Variants in PKD2L2 observed in about 807,000 individuals in gnomAD.
PKD2L2 encodes the protein polycystin-2-like protein 2.
In PKD2L2, 67 loss-of-function variants were observed where a neutral mutation model predicts 83.9. The ratio of observed to expected loss-of-function variants is 0.80; its 90% CI spans 0.66 to 0.98. The LOEUF is 0.98. Ranked by LOEUF, PKD2L2 falls within the 50% of genes least tolerant of loss-of-function variation. PKD2L2 has a pLI of 0.00. For missense variants in PKD2L2, 632 were observed against 717.2 expected (o/e 0.88, Z 1.36); for synonymous variants, 223 against 237.8 (o/e 0.94, Z 0.57).
At position 137,928,856 on chromosome 5, in the gene PKD2L2, G is replaced by A. The variant is rs541439145; in HGVS notation, c.1671+2927G>A. Among the ~76,000 whole-genome samples the A allele has an allele frequency of 1.3e-3, 197 of 152,296 alleles. 1 individual carries two copies. The highest frequency in any genetic ancestry group is 2.3e-3 in the Non-Finnish European group (156 of 68,022). On this transcript the variant is annotated intron_variant, in intron 12 of 14. Transcript: ENST00000508883. ...AAGTGTTGGGATTACAGGCATGAGC[G>A]AGCCACTGTGCCCAGCCCTATTTTA...
intron 14 of PKD2L2, 68 bp downstream of exon 14, chr5:137,936,495 G>A (rs928533696): frequency 1.0e-5 from 14 of 1,353,518 alleles, no homozygotes; most frequent in Middle Eastern, 2.4e-4. Context: ...TCGCTCTAAC[G>A]CCCAGGCTGG....
chr5:137,923,623 C>T (rs1298322179), intron 10 of PKD2L2, 102 bp downstream of exon 10: 1 of 694,616 alleles, frequency 1.4e-6, no homozygotes, highest in Non-Finnish European at 2.6e-6. Context: ...TCGTGCTCTC[C>T]CCACTCCCAC....
At chr5:137,939,878 T>C in intron 14 of PKD2L2, 2 of 1,334,192 alleles carry the variant, frequency 1.5e-6, no homozygotes, top group South Asian at 2.2e-5. Context: ...AACAAAAAGT[T>C]GGTAATAACA....
chr5:137,919,773 G>A (rs377574838), intron 8 of PKD2L2, among the ~76,000 whole-genome samples: 14 of 152,274 alleles, frequency 9.2e-5, no homozygotes, highest in African/African-American at 3.4e-4. Context: ...TGAGTCCTAG[G>A]ACTTCATGTA....
At chr5:137,929,698 A>T (rs992798011) in intron 12 of PKD2L2, among the ~76,000 whole-genome samples, 2 of 152,108 alleles carry the variant, frequency 1.3e-5, no homozygotes, top group Non-Finnish European at 2.9e-5. Context: ...CTGTGCTTCA[A>T]ATATAAAGGC....
chr5:137,894,378 G>A lies in PKD2L2; in HGVS notation c.293G>A (p.Gly98Asp), dbSNP rs1295625802. 6.2e-7 allele frequency: 1 copy of A among 1,609,848 alleles called. No homozygotes were observed. The highest frequency in any genetic ancestry group is 8.5e-7 in the Non-Finnish European group (1 of 1,179,540). Residue 98 changes from glycine to aspartate, a missense_variant, in exon 4 of 15, where the codon GGT becomes GAT. By Grantham distance (94) the Gly-to-Asp change is moderately conservative (BLOSUM62 -1). Coordinates refer to ENST00000508883, the MANE Select transcript of PKD2L2 (RefSeq NM_001300921.2). ...WKFMEGPLLEGLYWDSWYNNQ... is the reference protein window; with the variant it reads ...WKFMEGPLLEDLYWDSWYNNQ... ...TTTATGGAAGGACCCCTTTTGGAAG[G>A]TCTGTACTGGGATTCATGGTACAAT...
At position 137,894,739 on chromosome 5, in the gene PKD2L2, G is replaced by A. The variant is rs552932302; in HGVS notation, c.524+130G>A. ...AAACTGTTTCAACAATAGTAAAAAA[G>A]GAAGATGTGGAGATAGCAGTGTTTA... On this transcript the variant is annotated intron_variant, in intron 4 of 14. Coordinates refer to ENST00000508883, the MANE Select transcript of PKD2L2 (RefSeq NM_001300921.2). 17 of 670,864 alleles carry A rather than the reference G, an allele frequency of 2.5e-5. No individual in the cohort carries two copies. The South Asian group carries it at 2.5e-4, about 10-fold the overall frequency. The allele number at this position is 670,864 out of a possible 1,614,324, so 41.6% of individuals were successfully genotyped here.
chr5:137,912,361 T>C (rs1757908187), intron 8 of PKD2L2, among the ~76,000 whole-genome samples: 1 of 152,128 alleles, frequency 6.6e-6, no homozygotes, highest in Non-Finnish European at 1.5e-5. Flanking sequence ...TGAGGTGATA[T>C]CTCATTTTGT....
intron 13 of PKD2L2, 57 bp downstream of exon 13, chr5:137,935,966 C>G: frequency 1.0e-6 from 1 of 960,868 alleles, no homozygotes. Flanking sequence ...GCATTAAGGA[C>G]ATGAGTTAAA....
chr5:137,932,068 C>A (rs1157273041), intron 12 of PKD2L2, among the ~76,000 whole-genome samples: 1 of 152,048 alleles, frequency 6.6e-6, no homozygotes, highest in Non-Finnish European at 1.5e-5. Flanking sequence ...TCCTTAAAGA[C>A]ACAAAAATAC....
intron 8 of PKD2L2, among the ~76,000 whole-genome samples, chr5:137,912,668 A>C (rs1157870946): frequency 1.3e-5 from 2 of 150,614 alleles, no homozygotes; most frequent in African/African-American, 4.9e-5. Context: ...TGCCTGGCCT[A>C]ACTTGCATTT....
intron 4 of PKD2L2, 43 bp downstream of exon 4, chr5:137,894,652 C>T (rs1323743822): frequency 6.7e-7 from 1 of 1,484,308 alleles, no homozygotes; most frequent in Non-Finnish European, 9.3e-7. Flanking sequence ...CTAGCATTTA[C>T]TGTTGTATCT....
intron 5 of PKD2L2, among the ~76,000 whole-genome samples, chr5:137,904,118 A>C (rs954970689): frequency 2.0e-5 from 3 of 152,012 alleles, no homozygotes; most frequent in African/African-American, 7.3e-5. Context: ...CAAATTAAAA[A>C]CCCTATTAAG....
intron 14 of PKD2L2, among the ~76,000 whole-genome samples, chr5:137,937,699 G>A (rs1016635426): frequency 1.3e-5 from 2 of 152,152 alleles, no homozygotes; most frequent in Non-Finnish European, 2.9e-5. Flanking sequence ...GTTCTTAATA[G>A]GATAATTCAT....
In PKD2L2 at chr5:137,908,824, T is replaced by C. The variant is rs754376683; in HGVS notation, c.1206T>C (p.Arg402=). Residue 402 remains arginine (R), a synonymous_variant, in exon 8 of 15, where the codon CGT becomes CGC. Coordinates refer to ENST00000508883, the MANE Select transcript of PKD2L2 (RefSeq NM_001300921.2). ...TMSQLSSTLS[R]CVKDIVGFAI... is the part of the protein sequence containing the mutation. ...CTCAGCTGTCATCAACCTTGTCCCG[T>C]TGTGTTAAAGACATAGTAGGATTTG... is the stretch of plus-strand genomic sequence containing the variant. 1.9e-6 allele frequency: 3 copies of C among 1,597,068 alleles called. No homozygotes were observed. The highest frequency in any genetic ancestry group is 2.2e-5 in the South Asian group (2 of 89,774).
chr5:137,919,898 G>A (rs966101443), intron 8 of PKD2L2, among the ~76,000 whole-genome samples: 6 of 152,092 alleles, frequency 3.9e-5, no homozygotes, highest in African/African-American at 1.4e-4. Flanking sequence ...GACCAATTAC[G>A]CAGTTATCAA....
At chr5:137,929,626 A>G (rs1051510823) in intron 12 of PKD2L2, among the ~76,000 whole-genome samples, 1 of 151,136 alleles carries the variant, frequency 6.6e-6, no homozygotes, top group African/African-American at 2.4e-5. Context: ...GATATATCTA[A>G]CATAAATACA....
intron 8 of PKD2L2, among the ~76,000 whole-genome samples, chr5:137,914,158 G>C (rs1307261533): frequency 2.0e-5 from 3 of 147,858 alleles, no homozygotes; most frequent in Non-Finnish European, 4.4e-5. Context: ...CCAAAGTGCT[G>C]GGATTACAGG....
At chr5:137,912,731 T>C (rs896835657) in intron 8 of PKD2L2, among the ~76,000 whole-genome samples, 1 of 151,906 alleles carries the variant, frequency 6.6e-6, no homozygotes, top group Non-Finnish European at 1.5e-5. Context: ...TGGCCATTTG[T>C]GTGTCTTCTT....
Sources: gnomAD v4.1 joint callset for allele counts (sites outside exome capture counted in the v4.1 genomes callset) on GRCh38, gnomAD v4.1.1 for gene constraint, MANE v1.5 for transcripts, NCBI Gene and HGNC (gene_info 2026-07-23, HGNC 2026-07-21) for gene names.